Variants in SKAP2 observed in about 807,000 individuals in gnomAD.
The protein encoded by SKAP2 is src kinase associated phosphoprotein 2.
In SKAP2, 28 loss-of-function variants were observed where a neutral mutation model predicts 54.9. The observed-to-expected ratio is 0.51, with a 90% CI of 0.38 to 0.70. The LOEUF (loss-of-function observed/expected upper bound fraction) is 0.70, where lower values mean the gene tolerates loss of function less well. Ranked by LOEUF, SKAP2 falls within the 30% of genes least tolerant of loss-of-function variation. The pLI, the probability that SKAP2 is intolerant of heterozygous loss-of-function variation, is 0.00. For synonymous variants in SKAP2, 137 were observed against 134.3 expected (o/e 1.02, Z -0.14); for missense variants, 356 against 424.1 (o/e 0.84, Z 1.41).
At chr7:26,697,782 T>G (rs1381170850) in intron 9 of SKAP2, among the ~76,000 whole-genome samples, 3 of 152,134 alleles carry the variant, frequency 2.0e-5, no homozygotes, top group Non-Finnish European at 4.4e-5. Context: ...ATAACCACTA[T>G]TAACACCTTC....
intron 6 of SKAP2, among the ~76,000 whole-genome samples, chr7:26,727,340 G>A (rs1220162768): frequency 6.6e-6 from 1 of 152,048 alleles, no homozygotes; most frequent in Non-Finnish European, 1.5e-5. Flanking sequence ...TTCAGATTTA[G>A]TAGGCCAGTG....
chr7:26,856,554 A>G (rs917812890), intron 1 of SKAP2, among the ~76,000 whole-genome samples: 1 of 152,258 alleles, frequency 6.6e-6, no homozygotes, highest in African/African-American at 2.4e-5. Context: ...CTTATGAAGA[A>G]GCATGTTGCT....
intron 4 of SKAP2, among the ~76,000 whole-genome samples, chr7:26,795,336 T>A (rs1387426794): frequency 6.6e-6 from 1 of 152,216 alleles, no homozygotes; most frequent in Non-Finnish European, 1.5e-5. Flanking sequence ...ATACTAAGTG[T>A]TATCACTTTT....
chr7:26,769,827 CTT>C (rs1161811647), intron 4 of SKAP2, among the ~76,000 whole-genome samples: 1 of 22,002 alleles, frequency 4.5e-5, no homozygotes, highest in East Asian at 1.5e-3. Flanking sequence ...CCTCTGGAAG[CTT>C]TGTCCCAGAG....
intron 11 of SKAP2, among the ~76,000 whole-genome samples, chr7:26,679,915 A>C (rs1195690381): frequency 6.6e-6 from 1 of 152,210 alleles, no homozygotes; most frequent in Non-Finnish European, 1.5e-5. Flanking sequence ...CAACCAATAT[A>C]CACCAAAAAG....
the SKAP2 span, among the ~76,000 whole-genome samples, chr7:26,660,549 A>G: frequency 1.9e-4 from 29 of 152,200 alleles, no homozygotes; most frequent in Non-Finnish European, 4.1e-4. Flanking sequence ...AGGATGGTAT[A>G]CTTATAGCTT....
At chr7:26,845,348 T>A (rs1784900420) in intron 3 of SKAP2, among the ~76,000 whole-genome samples, 1 of 152,184 alleles carries the variant, frequency 6.6e-6, no homozygotes, top group South Asian at 2.1e-4. Flanking sequence ...AATAATTTTT[T>A]AAAAATACAT....
chr7:26,684,898 C>A (rs995069712), intron 10 of SKAP2, 50 bp from the exon 11 acceptor site: 1 of 1,043,406 alleles, frequency 9.6e-7, no homozygotes. Context: ...TGTAATAACC[C>A]CTCATTTCAA....
chr7:26,697,644 C>CT (rs1562579108), intron 9 of SKAP2, among the ~76,000 whole-genome samples: 8 of 149,080 alleles, frequency 5.4e-5, no homozygotes, highest in Admixed American at 6.6e-5. Flanking sequence ...AATTACAGCT[C>CT]ATTTTTTTTT....
In SKAP2 at chr7:26,720,473, C is replaced by G. The variant is rs138245459; in HGVS notation, c.796+4955G>C. ...ATAAATATTATATGTGTGTAGTGAC[C>G]CTATTTTATGAATGATTTCATTTTT... On this transcript the variant is annotated intron_variant, in intron 9 of 12. Coordinates refer to ENST00000345317, the MANE Select transcript of SKAP2 (RefSeq NM_003930.5). 1.6e-3 allele frequency among the ~76,000 whole-genome samples: 247 copies of G among 151,942 alleles called. 2 individuals are homozygous for G. Among genetic ancestry groups the G allele is most frequent in the African/African-American group, 5.6e-3 (232 of 41,426 alleles).
At chr7:26,746,322 T>C (rs1182202225) in intron 4 of SKAP2, among the ~76,000 whole-genome samples, 1 of 152,214 alleles carries the variant, frequency 6.6e-6, no homozygotes, top group African/African-American at 2.4e-5. Context: ...TCCCTGTTTC[T>C]AGAAATTATG....
intron 4 of SKAP2, among the ~76,000 whole-genome samples, chr7:26,815,944 A>C (rs1784257189): frequency 6.6e-6 from 1 of 152,132 alleles, no homozygotes; most frequent in Non-Finnish European, 1.5e-5. Context: ...GTATAGCTCC[A>C]TTACTTAAAA....
chr7:26,690,768 C>A (rs746173413), intron 9 of SKAP2, among the ~76,000 whole-genome samples: 2 of 152,138 alleles, frequency 1.3e-5, no homozygotes, highest in Non-Finnish European at 1.5e-5. Context: ...TAACACCCAG[C>A]GTTATACTGA....
At chr7:26,771,743 T>C (rs575303621) in intron 4 of SKAP2, among the ~76,000 whole-genome samples, 1 of 152,174 alleles carries the variant, frequency 6.6e-6, no homozygotes, top group Admixed American at 6.5e-5. Context: ...ACAATAACTA[T>C]TGTGTATAAA....
intron 4 of SKAP2, among the ~76,000 whole-genome samples, chr7:26,794,092 G>A (rs1783720720): frequency 6.6e-6 from 1 of 152,130 alleles, no homozygotes; most frequent in Non-Finnish European, 1.5e-5. Context: ...GCTATCCCCA[G>A]CAGGAGCCCA....
intron 3 of SKAP2, among the ~76,000 whole-genome samples, chr7:26,850,275 G>T (rs1255778963): frequency 6.6e-6 from 1 of 152,018 alleles, no homozygotes; most frequent in Non-Finnish European, 1.5e-5. Flanking sequence ...AAAATCTACG[G>T]TTAGAAACTA....
intron 4 of SKAP2, among the ~76,000 whole-genome samples, chr7:26,812,368 A>G (rs2127988258): frequency 6.6e-6 from 1 of 152,244 alleles, no homozygotes; most frequent in East Asian, 1.9e-4. Context: ...ATCCCAAAAC[A>G]TGTTTCAAGA....
chr7:26,825,544 A>G (rs2127991303), intron 4 of SKAP2, among the ~76,000 whole-genome samples: 1 of 151,150 alleles, frequency 6.6e-6, no homozygotes, highest in East Asian at 2.0e-4. Context: ...ACATTGCTAA[A>G]AAGAGAAAGA....
At chr7:26,718,301 T>C (rs995630198) in intron 9 of SKAP2, among the ~76,000 whole-genome samples, 4 of 150,894 alleles carry the variant, frequency 2.7e-5, no homozygotes, top group Non-Finnish European at 5.9e-5. Context: ...AAAAATGAAA[T>C]AGGAAGAAAA....
Sources: gnomAD v4.1 joint callset for allele counts (sites outside exome capture counted in the v4.1 genomes callset) on GRCh38, gnomAD v4.1.1 for gene constraint, MANE v1.5 for transcripts, NCBI Gene and HGNC (gene_info 2026-07-23, HGNC 2026-07-21) for gene names.